Variants in SLC44A5 observed in about 807,000 individuals in gnomAD.
SLC44A5 encodes the protein choline transporter-like protein 5.
In SLC44A5, 57 loss-of-function variants were observed where a neutral mutation model predicts 101.8. The ratio of observed to expected loss-of-function variants is 0.56; its 90% confidence interval spans 0.45 to 0.70. The LOEUF (loss-of-function observed/expected upper bound fraction) is 0.70. SLC44A5 is among the 30% of genes least tolerant of loss of function. The pLI is 0.00. For missense variants in SLC44A5, 737 were observed against 853.1 expected (o/e 0.86, Z 1.70); for synonymous variants, 281 against 290.9 (o/e 0.97, Z 0.35).
At chr1:75,665,654 A>G in the SLC44A5 span, among the ~76,000 whole-genome samples, 3 of 152,210 alleles carry the variant, frequency 2.0e-5, no homozygotes, top group Non-Finnish European at 2.9e-5. Context: ...AACAGAGTAA[A>G]TGGAAAACCT....
intron 4 of SLC44A5, among the ~76,000 whole-genome samples, chr1:75,304,293 GGTGTGTGTGT>G (rs71081327): frequency 3.1e-5 from 2 of 65,420 alleles, no homozygotes; most frequent in African/African-American, 5.8e-5. Context: ...TTTTTAAATA[GGTGTGTGTGT>G]GTGTGTGTGT....
chr1:75,450,313 T>C (rs1226601939), intron 2 of SLC44A5, among the ~76,000 whole-genome samples: 4 of 152,110 alleles, frequency 2.6e-5, no homozygotes, highest in Non-Finnish European at 5.9e-5. Flanking sequence ...CCTGATACTG[T>C]GAGGGAAAGG....
At chr1:75,219,977 A>G (rs1647044400) in intron 14 of SLC44A5, 85 bp from the exon 15 acceptor site, 1 of 727,798 alleles carries the variant, frequency 1.4e-6, no homozygotes, top group East Asian at 3.1e-5. Flanking sequence ...AACTGGTAAT[A>G]ACCACGGACT....
upstream of SLC44A5, among the ~76,000 whole-genome samples, chr1:75,611,329 G>A (rs376542045): frequency 5.9e-5 from 9 of 152,076 alleles, no homozygotes; most frequent in African/African-American, 2.2e-4. Context: ...GTTTGGAGGT[G>A]GAAGTAGGCC....
chr1:75,645,618 G>C, the SLC44A5 span, among the ~76,000 whole-genome samples: 1 of 151,518 alleles, frequency 6.6e-6, no homozygotes, highest in Non-Finnish European at 1.5e-5. Flanking sequence ...CTGTGCAGAA[G>C]CTCTTTAGTT....
rs181431431 is a variant in SLC44A5 at position 75,206,336 on chromosome 1, G to A, written c.2048-2503C>T. On this transcript the variant is annotated intron_variant, in intron 23 of 23. Transcript: ENST00000370859. ...TAAAGTGCTGCAATGGAAACAGCAC[G>A]CTGAGTTATAAAAGTTATTAAAACA... 1.5e-3 allele frequency: 454 copies of A among 306,724 alleles called. 2 individuals are homozygous for A. Among genetic ancestry groups the A allele is most frequent in the African/African-American group, 8.7e-3 (407 of 46,544 alleles). 19.0% of individuals were successfully genotyped at this position (306,724 alleles called of 1,614,324 possible). A position where few individuals can be genotyped will look rare whatever the true frequency, so the allele number is the denominator to read the frequency against.
Position 75,383,524 on chromosome 1 carries a change from T to G in SLC44A5, c.52+13059A>C, listed in dbSNP as rs1196875466. On this transcript the variant is annotated intron_variant, in intron 3 of 23. Transcript: ENST00000370859. ...TTAGAGAAAAAAGAATAAAAAGAAA[T>G]GAGCAAAGCCTCCAAGAAATATGGG... is the stretch of plus-strand genomic sequence containing the variant. Among the ~76,000 whole-genome samples, 3 of 151,902 alleles carry G rather than the reference T, an allele frequency of 2.0e-5. No homozygotes were observed. The East Asian group carries it at 5.8e-4, about 29-fold the overall frequency.
Position 75,237,053 on chromosome 1 carries a change from A to G in SLC44A5, c.674T>C (p.Leu225Pro). Residue 225 changes from leucine (L) to proline (P), a missense_variant, in exon 11 of 24, where the codon CTT becomes CCT. Transcript: ENST00000370859. ...TTTCAATCCAAGTGACTTTGCATCA[A>G]GAAGTTTATTGATACCACTGCATTG... ...GIAANGINKLLDAKSLGLKVF... is the reference protein window; with the variant it reads ...GIAANGINKLPDAKSLGLKVF... 1 of 1,603,334 alleles carries G rather than the reference A, an allele frequency of 6.2e-7. No homozygotes were observed. Among genetic ancestry groups the G allele is most frequent in the South Asian group, 1.1e-5 (1 of 90,200 alleles).
At chr1:75,680,146 C>G in the SLC44A5 span, among the ~76,000 whole-genome samples, 2 of 152,276 alleles carry the variant, frequency 1.3e-5, no homozygotes, top group South Asian at 2.1e-4. Flanking sequence ...GACTTAGACT[C>G]CCACACATAA....
intron 23 of SLC44A5, 21 bp downstream of exon 23, chr1:75,211,447 A>T: frequency 6.3e-7 from 1 of 1,590,902 alleles, no homozygotes; most frequent in Non-Finnish European, 8.6e-7. Flanking sequence ...AAGGGGGAAA[A>T]CACACATACT....
At chr1:75,561,459 T>C (rs1167415648) in intron 1 of SLC44A5, among the ~76,000 whole-genome samples, 6 of 152,150 alleles carry the variant, frequency 3.9e-5, no homozygotes, top group African/African-American at 1.2e-4. Flanking sequence ...ACAAGTACTA[T>C]GAGGAAAGGA....
At chr1:75,567,634 C>CGACT in intron 1 of SLC44A5, among the ~76,000 whole-genome samples, 1 of 152,166 alleles carries the variant, frequency 6.6e-6, no homozygotes, top group Middle Eastern at 3.4e-3. Flanking sequence ...CCACTTCTAC[C>CGACT]AGTCACTAAC....
intron 2 of SLC44A5, among the ~76,000 whole-genome samples, chr1:75,409,036 C>A (rs576493611): frequency 1.2e-4 from 18 of 152,196 alleles, no homozygotes; most frequent in Non-Finnish European, 2.1e-4. Flanking sequence ...GAAATCACAT[C>A]CTTTGCAGCA....
intron 3 of SLC44A5, among the ~76,000 whole-genome samples, chr1:75,369,315 GCTT>G (rs1247979896): frequency 6.6e-6 from 1 of 151,958 alleles, no homozygotes; most frequent in Non-Finnish European, 1.5e-5. Flanking sequence ...ACTGCTCCTG[GCTT>G]CTTCTTACTA....
Position 75,582,552 on chromosome 1 carries a change from G to A in SLC44A5, c.-70+28488C>T, listed in dbSNP as rs141983580. ...AAAGGCGCCCAGGCCACTACAAAGGGTTCAAAGTAGAGATCTCCATCTGCC... is the reference window on the plus strand; with the variant it reads ...AAAGGCGCCCAGGCCACTACAAAGGATTCAAAGTAGAGATCTCCATCTGCC... On this transcript the variant is annotated intron_variant, in intron 1 of 23. Coordinates refer to ENST00000370859, the MANE Select transcript of SLC44A5 (RefSeq NM_001130058.2). The A allele has an allele frequency of 1.7e-3, 796 of 475,204 alleles. 4 individuals are homozygous for A. Among genetic ancestry groups the A allele is most frequent in the Middle Eastern group, 4.8e-3 (8 of 1,680 alleles). The allele number at this position is 475,204 out of a possible 1,614,324, so 29.4% of individuals were successfully genotyped here.
At chr1:75,565,107 T>C (rs1047716891) in intron 1 of SLC44A5, among the ~76,000 whole-genome samples, 11 of 152,210 alleles carry the variant, frequency 7.2e-5, no homozygotes, top group East Asian at 3.8e-4. Context: ...AACATTTATC[T>C]GAAGTCTCTT....
At chr1:75,503,120 A>T (rs978130656) in intron 2 of SLC44A5, among the ~76,000 whole-genome samples, 1 of 152,216 alleles carries the variant, frequency 6.6e-6, no homozygotes, top group Non-Finnish European at 1.5e-5. Context: ...ACAAAAATAC[A>T]CAGATATTCC....
chr1:75,670,241 T>A, the SLC44A5 span, among the ~76,000 whole-genome samples: 6 of 152,102 alleles, frequency 3.9e-5, no homozygotes, highest in Non-Finnish European at 5.9e-5. Flanking sequence ...AAGGTAATAA[T>A]CAATGATACC....
At chr1:75,211,296 G>A (rs988537342) in intron 23 of SLC44A5, among the ~76,000 whole-genome samples, 172 bp downstream of exon 23, 8 of 152,116 alleles carry the variant, frequency 5.3e-5, no homozygotes, top group Non-Finnish European at 1.2e-4. Flanking sequence ...TTATTTCTCA[G>A]GTATTATGGT....
Sources: gnomAD v4.1 joint callset for allele counts (sites outside exome capture counted in the v4.1 genomes callset) on GRCh38, gnomAD v4.1.1 for gene constraint, MANE v1.5 for transcripts, NCBI Gene and HGNC (gene_info 2026-07-23, HGNC 2026-07-21) for gene names.